The following PIGN variants were observed in gnomAD, a reference collection of about 807,000 sequenced individuals.
PIGN encodes the protein phosphatidylinositol glycan anchor biosynthesis class N, also known as GPI ethanolamine phosphate transferase 1.
A neutral mutation model predicts 125.4 loss-of-function variants in PIGN; 117 were observed. The ratio of observed to expected loss-of-function variants is 0.93; its 90% CI spans 0.80 to 1.09. PIGN has a LOEUF of 1.09. PIGN is among the 50% of genes least tolerant of loss of function. The pLI is 0.00. For synonymous variants in PIGN, 392 were observed against 377.8 expected (o/e 1.04, Z -0.44); for missense variants, 1,075 against 1,094.9 (o/e 0.98, Z 0.26).
chr18:62,114,018 T>A (rs1010667995), intron 15 of PIGN, among the ~76,000 whole-genome samples: 1 of 152,170 alleles, frequency 6.6e-6, no homozygotes. Context: ...AAACTTGGCA[T>A]CTATTTTCTC....
At chr18:62,126,681 C>T (rs1001424700) in intron 14 of PIGN, among the ~76,000 whole-genome samples, 2 of 152,112 alleles carry the variant, frequency 1.3e-5, no homozygotes, top group Non-Finnish European at 2.9e-5. Context: ...TTTCACCCAG[C>T]CTCACAGCAT....
intron 19 of PIGN, among the ~76,000 whole-genome samples, chr18:62,106,322 G>A (rs185272901): frequency 8.2e-4 from 125 of 151,560 alleles, no homozygotes; most frequent in Middle Eastern, 3.4e-3. Flanking sequence ...GTAGCTGAAG[G>A]AAGAAAATCA....
chr18:62,136,817 A>G (rs1429879535), intron 14 of PIGN: 1 of 365,718 alleles, frequency 2.7e-6, no homozygotes, highest in African/African-American at 2.1e-5. Flanking sequence ...GCAAGCCCAC[A>G]TATGCAGTCA....
intron 12 of PIGN, among the ~76,000 whole-genome samples, chr18:62,139,594 C>G (rs1355155281): frequency 6.6e-6 from 1 of 152,122 alleles, no homozygotes; most frequent in Non-Finnish European, 1.5e-5. Context: ...ATAAGAGTGG[C>G]TGGTTGAAAT....
At position 62,099,313 on chromosome 18, in the gene PIGN, A is replaced by G. The variant is rs373074409; in HGVS notation, c.2077+1762T>C. On this transcript the variant is annotated intron_variant, in intron 22 of 30. Transcript: ENST00000640252. The stretch of plus-strand genomic sequence containing the variant: ...GTATACTTTAGACCAAAAACAATCA[A>G]TAAAGCAAAGAAGAACACTTTGTGA... 1.2e-4 allele frequency among the ~76,000 whole-genome samples: 19 copies of G among 152,288 alleles called. No individual in the cohort carries two copies. In the East Asian group the frequency reaches 1.4e-3, roughly 11 times the overall value.
intron 30 of PIGN, chr18:62,058,790 G>A (rs888019400): frequency 1.4e-4 from 22 of 152,204 alleles, no homozygotes; most frequent in Admixed American, 8.5e-4. Context: ...TTTAGCCACA[G>A]AACTCTAAGG....
At chr18:62,035,860 C>G (rs1258632898) in intron 23 of PIGN, among the ~76,000 whole-genome samples, 2 of 152,094 alleles carry the variant, frequency 1.3e-5, no homozygotes, top group Non-Finnish European at 2.9e-5. Flanking sequence ...GAGTGCTTAA[C>G]CAAAAAAGGC....
chr18:62,154,674 A>G (rs2036659112), intron 6 of PIGN, 23 bp from the exon 7 acceptor site: 1 of 1,067,866 alleles, frequency 9.4e-7, no homozygotes, highest in South Asian at 1.3e-5. Flanking sequence ...TTTGGAAAAA[A>G]TAATCTTTTT....
chr18:62,129,318 T>C (rs187529322), intron 14 of PIGN, among the ~76,000 whole-genome samples: 39 of 152,324 alleles, frequency 2.6e-4, no homozygotes, highest in African/African-American at 9.4e-4. Context: ...TAAGTCCACA[T>C]TCTTAGCTGT....
chr18:62,143,175 T>C (rs1315901865), intron 11 of PIGN, 131 bp downstream of exon 11: 8 of 598,030 alleles, frequency 1.3e-5, no homozygotes, highest in Non-Finnish European at 2.4e-5. Context: ...CTAAAAGAAT[T>C]CCCCTTAGTA....
intron 16 of PIGN, among the ~76,000 whole-genome samples, chr18:62,111,420 C>T (rs1322666856): frequency 6.6e-6 from 1 of 152,088 alleles, no homozygotes; most frequent in Non-Finnish European, 1.5e-5. Context: ...TAAACTCCCA[C>T]CAAGACTTAC....
chr18:62,048,046 A>C (rs529066105), intron 30 of PIGN, among the ~76,000 whole-genome samples: 263 of 152,338 alleles, frequency 1.7e-3, no homozygotes, highest in African/African-American at 6.1e-3. Flanking sequence ...GAACTAAAAA[A>C]TGCAATAACC....
At chr18:62,178,215 TC>T (rs1313043455) in intron 1 of PIGN, among the ~76,000 whole-genome samples, 4 of 152,026 alleles carry the variant, frequency 2.6e-5, no homozygotes, top group Non-Finnish European at 4.4e-5. Context: ...AGGATGGTAA[TC>T]CAGTGGATTA....
rs2030377579 is a variant in PIGN at position 62,041,640 on chromosome 18, G to GGTGTGGGTGTGT, written c.*4215_*4216insACACACCCACAC. 1.3e-5 allele frequency: 1 copy of GGTGTGGGTGTGT among 77,470 alleles called. No homozygotes were observed. The highest frequency in any genetic ancestry group is 2.4e-5 in the Non-Finnish European group (1 of 40,880). The allele number at this position is 77,470 out of a possible 1,614,324, so 4.8% of individuals were successfully genotyped here. On this transcript the variant is annotated 3_prime_UTR_variant, in exon 31 of 31. Transcript: ENST00000640252. ...ATTACAGGAGCCTACCACCCCGCCGGGTGTGTGTGTGTGTGTGTGTGTGTG... is the reference window on the plus strand; with the variant it reads ...ATTACAGGAGCCTACCACCCCGCCGGGTGTGGGTGTGTGTGTGTGTGTGTGTGTGTGTGTGTG...
chr18:62,036,891 A>G (rs1003562626), downstream of PIGN, among the ~76,000 whole-genome samples: 3 of 152,208 alleles, frequency 2.0e-5, no homozygotes, highest in African/African-American at 7.2e-5. Context: ...GCTGGTGCAG[A>G]GGAAGCACTC....
intron 1 of PIGN, among the ~76,000 whole-genome samples, chr18:62,175,511 A>T (rs1469911418): frequency 6.6e-6 from 1 of 152,158 alleles, no homozygotes; most frequent in African/African-American, 2.4e-5. Flanking sequence ...GTCTGTGAGT[A>T]GCTTTCCATT....
intron 30 of PIGN, among the ~76,000 whole-genome samples, chr18:62,048,017 A>C (rs1467399443): frequency 6.6e-6 from 1 of 152,200 alleles, no homozygotes; most frequent in African/African-American, 2.4e-5. Flanking sequence ...TGTAAATAAG[A>C]AGCAAATAAA....
At chr18:62,117,029 T>C (rs2035112571) in intron 14 of PIGN, among the ~76,000 whole-genome samples, 1 of 151,742 alleles carries the variant, frequency 6.6e-6, no homozygotes, top group Non-Finnish European at 1.5e-5. Flanking sequence ...GAAACAGGAG[T>C]CAGGGTAATT....
intron 1 of PIGN, among the ~76,000 whole-genome samples, chr18:62,181,796 G>A (rs182476670): frequency 7.2e-5 from 11 of 152,012 alleles, no homozygotes; most frequent in African/African-American, 2.7e-4. Context: ...GCGCGATCTC[G>A]GCTCACTGCA....
Sources: allele counts gnomAD v4.1 joint callset (sites outside exome capture counted in the v4.1 genomes callset), GRCh38; gene constraint gnomAD v4.1.1; transcripts MANE v1.5; gene names NCBI Gene and HGNC (gene_info 2026-07-23, HGNC 2026-07-21).